The following UNC5C variants were observed in gnomAD, a reference collection of about 807,000 sequenced individuals.
UNC5C encodes unc-5 netrin receptor C.
A neutral mutation model predicts 99.8 loss-of-function variants in UNC5C; 47 were observed. The ratio of observed to expected loss-of-function variants is 0.47; its 90% CI spans 0.37 to 0.60. The LOEUF is 0.60. UNC5C is among the 20% of genes least tolerant of loss of function. The probability of loss-of-function intolerance (pLI) is 0.00; values close to 1 mark genes in which losing one functional copy is unlikely to be tolerated. For missense variants in UNC5C, 1,062 were observed against 1,165.9 expected, an observed-to-expected ratio of 0.91 and a Z score of 1.30; for synonymous variants, 487 against 452.2, an observed-to-expected ratio of 1.08 and a Z score of -0.98.
intron 14 of UNC5C, among the ~76,000 whole-genome samples, chr4:95,174,672 C>T (rs1333057929): frequency 2.7e-5 from 4 of 149,940 alleles, no homozygotes; most frequent in Non-Finnish European, 5.9e-5. Context: ...AGTATGTGGT[C>T]AATTTTGGAA....
Position 95,363,891 on chromosome 4 carries a change from G to A in UNC5C, c.125-28260C>T, listed in dbSNP as rs148601505. On this transcript the variant is annotated intron_variant, in intron 1 of 15. Transcript: ENST00000453304. ...GCTTGGGGCAATTGGCCTACCATAC[G>A]TAGATGCTGAATCTCACACTTCTGG... Among the ~76,000 whole-genome samples, 335 of 152,252 alleles carry A rather than the reference G, an allele frequency of 2.2e-3. 1 individual carries two copies. The highest frequency in any genetic ancestry group is 7.1e-3 in the African/African-American group (294 of 41,546).
intron 1 of UNC5C, among the ~76,000 whole-genome samples, chr4:95,511,406 C>T (rs1722067707): frequency 6.6e-6 from 1 of 152,034 alleles, no homozygotes. Context: ...AAATGCTCTG[C>T]TGAATTATTA....
chr4:95,292,596 C>T (rs899507757), intron 3 of UNC5C, among the ~76,000 whole-genome samples: 1 of 151,948 alleles, frequency 6.6e-6, no homozygotes, highest in Non-Finnish European at 1.5e-5. Flanking sequence ...AGAATACAAA[C>T]CATTAACTAA....
intron 1 of UNC5C, among the ~76,000 whole-genome samples, chr4:95,488,091 C>A (rs1411425175): frequency 6.6e-6 from 1 of 151,686 alleles, no homozygotes; most frequent in Non-Finnish European, 1.5e-5. Context: ...GCAATTTAGT[C>A]CCATTCAGTC....
intron 1 of UNC5C, among the ~76,000 whole-genome samples, chr4:95,382,589 A>G (rs953701389): frequency 2.0e-5 from 3 of 152,186 alleles, no homozygotes; most frequent in African/African-American, 7.2e-5. Context: ...AAATATTAAT[A>G]TATGAGAAAA....
At chr4:95,365,751 T>C (rs1744542882) in intron 1 of UNC5C, among the ~76,000 whole-genome samples, 1 of 152,090 alleles carries the variant, frequency 6.6e-6, no homozygotes, top group South Asian at 2.1e-4. Flanking sequence ...TCACTGAGAA[T>C]AAACAACATT....
At chr4:95,336,326 T>C (rs1465731622) in intron 1 of UNC5C, among the ~76,000 whole-genome samples, 1 of 151,870 alleles carries the variant, frequency 6.6e-6, no homozygotes, top group Non-Finnish European at 1.5e-5. Flanking sequence ...AAACAGTCTT[T>C]CCAACACACC....
chr4:95,404,175 T>C (rs2149449477), intron 1 of UNC5C, among the ~76,000 whole-genome samples: 1 of 152,340 alleles, frequency 6.6e-6, no homozygotes, highest in Middle Eastern at 3.4e-3. Context: ...CACAACGTTC[T>C]TGGGGAGAGG....
intron 7 of UNC5C, among the ~76,000 whole-genome samples, chr4:95,226,135 T>C (rs541857252): frequency 1.3e-5 from 2 of 152,338 alleles, no homozygotes; most frequent in African/African-American, 2.4e-5. Context: ...TTTCGGTTGC[T>C]ACCGACAGCC....
chr4:95,449,228 G>A (rs1437048760), intron 1 of UNC5C, among the ~76,000 whole-genome samples: 1 of 152,134 alleles, frequency 6.6e-6, no homozygotes, highest in Non-Finnish European at 1.5e-5. Context: ...CCCTCAACTT[G>A]ATGAAGTTTT....
rs1392947455 is a variant in UNC5C, at chr4:95,241,226, T to C, written c.1108+1203A>G. 4.6e-5 allele frequency among the ~76,000 whole-genome samples: 7 copies of C among 152,308 alleles called. No individual in the cohort carries two copies. In the South Asian group the frequency reaches 1.0e-3, roughly 23 times the overall value. ...CATTTATGCATTTCTAGTACAAACT[T>C]GTGAGGTTCACAGTGGCAGGCCCCA... On this transcript the variant is annotated intron_variant, in intron 7 of 15. Coordinates refer to ENST00000453304, the MANE Select transcript of UNC5C (RefSeq NM_003728.4).
At position 95,245,136 on chromosome 4, in the gene UNC5C, C is replaced by T; in HGVS notation, c.784G>A (p.Gly262Ser). The T allele has an allele frequency of 6.2e-7, 1 of 1,610,552 alleles. No individual in the cohort carries two copies. Among genetic ancestry groups the T allele is most frequent in the Non-Finnish European group, 8.5e-7 (1 of 1,179,048 alleles). The change falls in exon 6 of 16, where the codon GGC (glycine) becomes AGC (serine). Residue 262 changes from glycine (G) to serine (S), a missense_variant. Physicochemically the swap from Gly to Ser is moderately conservative, Grantham distance 56. This residue lies in a region of UNC5C where 810 missense variants were observed against 854.5 expected (regional missense o/e 0.95). Coordinates refer to ENST00000453304, the MANE Select transcript of UNC5C (RefSeq NM_003728.4). ...GACCACTCCGTCCAGGTGGACCAGC[C>T]ACCGTTGACTGAAAGGAGGCAAACA... The part of the protein sequence containing the change: ...TATVIVYVNG[G>S]WSTWTEWSVC...
rs536548907 is a variant in UNC5C at position 95,239,527 on chromosome 4, C to T, written c.1108+2902G>A. On this transcript the variant is annotated intron_variant, in intron 7 of 15. Transcript: ENST00000453304. Reference sequence around the variant, plus strand: ...AACCCTGATTTCCAGTCCCCGGGACCCATGTCCATATCCAGCTCCCCGCTC... The same window carrying T: ...AACCCTGATTTCCAGTCCCCGGGACTCATGTCCATATCCAGCTCCCCGCTC... Among the ~76,000 whole-genome samples the T allele has an allele frequency of 1.2e-4, 18 of 152,216 alleles. No individual in the cohort carries two copies. The South Asian group carries it at 3.7e-3, about 32-fold the overall frequency.
At chr4:95,321,364 T>C (rs561571511) in intron 2 of UNC5C, among the ~76,000 whole-genome samples, 7 of 152,320 alleles carry the variant, frequency 4.6e-5, no homozygotes, top group African/African-American at 1.7e-4. Context: ...TTCTCTTCTT[T>C]TTGTAAGTCA....
At chr4:95,532,549 C>G (rs888081508) in intron 1 of UNC5C, among the ~76,000 whole-genome samples, 4 of 151,734 alleles carry the variant, frequency 2.6e-5, no homozygotes, top group South Asian at 2.1e-4. Flanking sequence ...CTGTACTCAT[C>G]ATGCTGGCCT....
intron 1 of UNC5C, among the ~76,000 whole-genome samples, chr4:95,367,406 T>G (rs1336283412): frequency 6.6e-6 from 1 of 152,174 alleles, no homozygotes; most frequent in African/African-American, 2.4e-5. Flanking sequence ...TTCAAACTCC[T>G]GGTCTCAAGT....
At chr4:95,484,786 C>T (rs1475519664) in intron 1 of UNC5C, among the ~76,000 whole-genome samples, 3 of 151,852 alleles carry the variant, frequency 2.0e-5, no homozygotes, top group Non-Finnish European at 4.4e-5. Context: ...AAATGGGAAG[C>T]TAGTACAGTA....
chr4:95,511,264 G>A lies in UNC5C; in HGVS notation c.124+37470C>T, dbSNP rs545359083. 3.0e-4 allele frequency among the ~76,000 whole-genome samples: 45 copies of A among 150,060 alleles called. No homozygotes were observed. The South Asian group carries it at 6.2e-3, about 21-fold the overall frequency. The stretch of plus-strand genomic sequence containing the variant: ...TAGCAACACTTGCATATTTTTAATT[G>A]TATTTGTCGGGGGGTTCTTTAACAA... On this transcript the variant is annotated intron_variant, in intron 1 of 15. Coordinates refer to ENST00000453304, the MANE Select transcript of UNC5C (RefSeq NM_003728.4).
At chr4:95,450,982 A>C (rs1266392216) in intron 1 of UNC5C, among the ~76,000 whole-genome samples, 1 of 152,232 alleles carries the variant, frequency 6.6e-6, no homozygotes, top group Non-Finnish European at 1.5e-5. Flanking sequence ...TTAGCACATA[A>C]ATCTTCAATA....
Sources: allele counts gnomAD v4.1 joint callset (sites outside exome capture counted in the v4.1 genomes callset), GRCh38; gene constraint gnomAD v4.1.1; regional missense constraint gnomAD v4.1.1; transcripts MANE v1.5; gene names NCBI Gene and HGNC (gene_info 2026-07-23, HGNC 2026-07-21).